Variants in ZNF81 observed in about 807,000 individuals in gnomAD.
The protein encoded by ZNF81 is zinc finger protein 81 (HFZ20).
A neutral mutation model predicts 32.3 loss-of-function variants in ZNF81; 5 were observed. The observed-to-expected ratio is 0.15, with a 90% CI of 0.08 to 0.33. The LOEUF (loss-of-function observed/expected upper bound fraction) is 0.33, where lower values mean the gene tolerates loss of function less well. Ranked by LOEUF, ZNF81 falls within the 10% of genes least tolerant of loss-of-function variation. The pLI is 1.00. For missense variants in ZNF81, 379 were observed against 479.8 expected (o/e 0.79, Z 1.96); for synonymous variants, 163 against 166.8 (o/e 0.98, Z 0.17).
Position 47,919,032 on chromosome X carries a change from A to G in ZNF81, c.*2400A>G. 1 of 276,804 alleles carries G rather than the reference A, an allele frequency of 3.6e-6. No individual in the cohort carries two copies. Among genetic ancestry groups the G allele is most frequent in the Non-Finnish European group, 6.9e-6 (1 of 145,218 alleles). The allele number at this position is 276,804 out of a possible 1,213,427, so 22.8% of individuals were successfully genotyped here. ...TCAAGAAACTGAAAAACTGTACCCA[A>G]GGAACCTCAGCCACACCTGAACCTG... On this transcript the variant is annotated 3_prime_UTR_variant, in exon 5 of 5. Coordinates refer to ENST00000338637, the MANE Select transcript of ZNF81 (RefSeq NM_007137.5).
At chrX:47,908,864 G>C (rs782087415) in intron 4 of ZNF81, among the ~76,000 whole-genome samples, 16 of 111,915 alleles carry the variant, frequency 1.4e-4, no homozygotes, top group African/African-American at 5.2e-4. Flanking sequence ...ATATTGATAA[G>C]TGATTGGCAA....
intron 2 of ZNF81, among the ~76,000 whole-genome samples, chrX:47,855,676 T>C (rs2148010719): frequency 9.0e-6 from 1 of 111,555 alleles, no homozygotes; most frequent in Admixed American, 9.6e-5. Flanking sequence ...TATATTGCCA[T>C]TGTAAATAAA....
At chrX:47,849,713 A>G (rs1348846707) in intron 2 of ZNF81, among the ~76,000 whole-genome samples, 1 of 111,233 alleles carries the variant, frequency 9.0e-6, no homozygotes, top group Non-Finnish European at 1.9e-5. Context: ...ATCGCAATCC[A>G]TAGAGTGGGA....
intron 4 of ZNF81, among the ~76,000 whole-genome samples, chrX:47,899,568 T>C (rs1603204153): frequency 9.0e-6 from 1 of 111,175 alleles, no homozygotes; most frequent in South Asian, 3.7e-4. Context: ...TTTTTTTCAA[T>C]GTCTTTGTCA....
Position 47,846,098 on chromosome X carries a change from T to C in ZNF81, c.-163-7T>C. The C allele has an allele frequency of 1.8e-6, 1 of 561,264 alleles. No individual in the cohort carries two copies. The highest frequency in any genetic ancestry group is 2.4e-5 in the South Asian group (1 of 40,884). 46.3% of individuals were successfully genotyped at this position (561,264 alleles called of 1,213,427 possible). A position where few individuals can be genotyped will look rare whatever the true frequency, so the allele number is the denominator to read the frequency against. ...TGCCTCTGATCATATGGACACTGTC[T>C]TTCCAGAGTTCTTGGAGTCTCTGCG... On this transcript the variant is annotated splice_polypyrimidine_tract_variant and splice_region_variant and intron_variant, in intron 1 of 4. Coordinates refer to ENST00000338637, the MANE Select transcript of ZNF81 (RefSeq NM_007137.5).
intron 4 of ZNF81, among the ~76,000 whole-genome samples, chrX:47,914,512 G>T (rs1386631697): frequency 1.8e-5 from 2 of 111,939 alleles, no homozygotes; most frequent in African/African-American, 6.5e-5. Flanking sequence ...TATTATAGTT[G>T]CCTACCGTAT....
chrX:47,855,582 CT>C (rs1306567444), intron 2 of ZNF81, among the ~76,000 whole-genome samples: 5 of 111,159 alleles, frequency 4.5e-5, no homozygotes, highest in African/African-American at 1.6e-4. Context: ...TCTGATTACC[CT>C]TTTTTTCAGG....
intron 2 of ZNF81, among the ~76,000 whole-genome samples, chrX:47,849,511 A>G (rs1391809067): frequency 9.0e-6 from 1 of 111,138 alleles, no homozygotes; most frequent in African/African-American, 3.3e-5. Context: ...GTCTCTACTA[A>G]AAATACAAAA....
At chrX:47,857,094 A>G (rs2058520511) in intron 2 of ZNF81, among the ~76,000 whole-genome samples, 1 of 112,162 alleles carries the variant, frequency 8.9e-6, no homozygotes, top group South Asian at 3.7e-4. Context: ...TTTGCAAGGT[A>G]TGAAAGTAGA....
In ZNF81 at chrX:47,888,124, G is replaced by C; in HGVS notation, c.180G>C (p.Val60=). 2 of 1,208,246 alleles carry C rather than the reference G, an allele frequency of 1.7e-6. No homozygotes were observed. The highest frequency in any genetic ancestry group is 2.2e-6 in the Non-Finnish European group (2 of 893,671). ...MLENYSHLLS[V]GFEVPKPEVI... is the part of the protein sequence containing the mutation. ...AGAACTACAGCCACCTGCTCTCAGT[G>C]GGTAAGGACAACCATCCTGTGAAGT... The change falls in exon 3 of 5, where the codon GTG becomes GTC. Residue 60 remains valine (V), a splice_region_variant and synonymous_variant. Coordinates refer to ENST00000338637, the MANE Select transcript of ZNF81 (RefSeq NM_007137.5).
chrX:47,880,675 C>G (rs1435950648), intron 2 of ZNF81, among the ~76,000 whole-genome samples: 1 of 111,832 alleles, frequency 8.9e-6, no homozygotes, highest in African/African-American at 3.3e-5. Context: ...ATATAAAACA[C>G]TTCATTGGCA....
At chrX:47,903,011 C>T (rs10126681) in intron 4 of ZNF81, among the ~76,000 whole-genome samples, 1 of 111,192 alleles carries the variant, frequency 9.0e-6, no homozygotes, top group Non-Finnish European at 1.9e-5. Context: ...ATTCAACAAC[C>T]CTTAAGGCTA....
intron 1 of ZNF81, among the ~76,000 whole-genome samples, chrX:47,839,837 A>G (rs782381711): frequency 5.3e-4 from 59 of 111,103 alleles, no homozygotes; most frequent in Non-Finnish European, 9.1e-4. Flanking sequence ...AGCTTGTCCA[A>G]CCCGCTGTCC....
At chrX:47,864,689 T>G (rs2313520) in intron 2 of ZNF81, among the ~76,000 whole-genome samples, 48,086 of 110,616 alleles carry the variant, frequency 0.43, 7,830 homozygotes, top group East Asian at 0.63. Flanking sequence ...AGCAGTGACT[T>G]TAGTATGAAT....
intron 4 of ZNF81, among the ~76,000 whole-genome samples, chrX:47,904,666 G>A (rs1348508506): frequency 2.3e-4 from 26 of 111,554 alleles, no homozygotes; most frequent in Non-Finnish European, 3.0e-4. Context: ...GATTCCTCAG[G>A]GATCTAGAAC....
At chrX:47,904,973 A>C (rs1176652533) in intron 4 of ZNF81, among the ~76,000 whole-genome samples, 1 of 110,192 alleles carries the variant, frequency 9.1e-6, no homozygotes, top group Admixed American at 9.7e-5. Flanking sequence ...ACAAAAAACC[A>C]AACACCACAT....
chrX:47,862,670 T>C (rs3848865), intron 2 of ZNF81, among the ~76,000 whole-genome samples: 46,269 of 111,089 alleles, frequency 0.42, 7,354 homozygotes, highest in East Asian at 0.62. Flanking sequence ...CAATGTGATC[T>C]CACAGCCCAC....
intron 4 of ZNF81, among the ~76,000 whole-genome samples, chrX:47,898,728 G>T (rs2058688337): frequency 1.8e-5 from 2 of 111,739 alleles, no homozygotes; most frequent in African/African-American, 3.2e-5. Flanking sequence ...CAATTATTTA[G>T]TTCTTTAATT....
At position 47,919,378 on chromosome X, in the gene ZNF81, T is replaced by G. The variant is rs2146432742; in HGVS notation, c.*2746T>G. ...GAACCCATTGAAGGCATTCTTCAACTCAGTTATGTTTTATTTTTATTTGTA... is the reference window on the plus strand; with the variant it reads ...GAACCCATTGAAGGCATTCTTCAACGCAGTTATGTTTTATTTTTATTTGTA... On this transcript the variant is annotated 3_prime_UTR_variant, in exon 5 of 5. Transcript: ENST00000338637. 5.3e-6 allele frequency: 1 copy of G among 190,166 alleles called. No individual in the cohort carries two copies. The highest frequency in any genetic ancestry group is 7.3e-5 in the South Asian group (1 of 13,667). The allele number at this position is 190,166 out of a possible 1,213,427, so 15.7% of individuals were successfully genotyped here. A position where few individuals can be genotyped will look rare whatever the true frequency, so the allele number is the denominator to read the frequency against.
Sources: allele counts gnomAD v4.1 joint callset (sites outside exome capture counted in the v4.1 genomes callset), GRCh38; gene constraint gnomAD v4.1.1; transcripts MANE v1.5; gene names NCBI Gene and HGNC (gene_info 2026-07-23, HGNC 2026-07-21).